The following RSF1 variants were observed in gnomAD, a reference collection of about 807,000 sequenced individuals.
RSF1 encodes HBV pX-associated protein 8.
RSF1 carries 13 observed loss-of-function variants against 145.2 expected under a neutral mutation model. That is an observed-to-expected ratio of 0.09 (90% CI 0.06 to 0.14). The LOEUF (loss-of-function observed/expected upper bound fraction) is 0.14, where lower values mean the gene tolerates loss of function less well. Ranked by LOEUF, RSF1 falls within the 10% of genes least tolerant of loss-of-function variation. The pLI is 1.00. For missense variants in RSF1, 1,517 were observed against 1,718.2 expected, an observed-to-expected ratio of 0.88 and a Z score of 2.07; for synonymous variants, 577 against 592.6, an observed-to-expected ratio of 0.97 and a Z score of 0.38.
intron 1 of RSF1, among the ~76,000 whole-genome samples, chr11:77,778,210 ATGGGGAGGGGAGGGGGT>A: frequency 4.7e-5 from 1 of 21,062 alleles, no homozygotes; most frequent in Admixed American, 6.5e-4. Flanking sequence ...AGGGGAGAGG[ATGGGGAGGGGAGGGGGT>A]GGGGGAGGGA....
At position 77,678,108 on chromosome 11, in the gene RSF1, G is replaced by C. The variant is rs771867245; in HGVS notation, c.3111C>G (p.Asp1037Glu). 6.2e-7 allele frequency: 1 copy of C among 1,610,308 alleles called. No homozygotes were observed. Among genetic ancestry groups the C allele is most frequent in the Non-Finnish European group, 8.5e-7 (1 of 1,178,456 alleles). The change falls in exon 12 of 16, where the codon GAC becomes GAG. Residue 1037 changes from aspartate (D) to glutamate (E), a missense_variant. By Grantham distance (45) the Asp-to-Glu change is conservative. Coordinates refer to ENST00000308488, the MANE Select transcript of RSF1 (RefSeq NM_016578.4). ...TACCTCCTCCATCGGCTTCTTTGAT[G>C]TCATCTTCAATAGCTTCATCAATTG... ...DEAIDEAIED[D>E]IKEADGGGVG...
intron 4 of RSF1, 120 bp from the exon 5 acceptor site, chr11:77,725,819 A>G (rs941877100): frequency 3.5e-5 from 24 of 695,166 alleles, no homozygotes; most frequent in Non-Finnish European, 4.7e-5. Context: ...CATCAAAAAC[A>G]CTGGTACAGC....
intron 9 of RSF1, among the ~76,000 whole-genome samples, chr11:77,688,017 G>A (rs1236783879): frequency 6.6e-6 from 1 of 152,162 alleles, no homozygotes; most frequent in African/African-American, 2.4e-5. Context: ...TCAGCTGGGA[G>A]TAGTGGCTCA....
chr11:77,796,414 T>C (rs1948572775), intron 1 of RSF1, among the ~76,000 whole-genome samples: 1 of 152,200 alleles, frequency 6.6e-6, no homozygotes, highest in Admixed American at 6.5e-5. Flanking sequence ...AAAAATTACA[T>C]GATTATCTCA....
chr11:77,671,139 ATATATATATATATATATATATATAT>A (rs1187087617), intron 15 of RSF1, among the ~76,000 whole-genome samples: 1 of 7,256 alleles, frequency 1.4e-4, no homozygotes, highest in African/African-American at 1.1e-3. Flanking sequence ...AAAAAAAAAA[ATATATATATATATATATATATATAT>A]ATATATATAT....
chr11:77,766,252 A>G (rs1948224673), intron 1 of RSF1, among the ~76,000 whole-genome samples: 1 of 152,224 alleles, frequency 6.6e-6, no homozygotes, highest in East Asian at 1.9e-4. Flanking sequence ...GCGTTCTCTA[A>G]CATATTTGAT....
intron 5 of RSF1, among the ~76,000 whole-genome samples, chr11:77,711,850 G>T (rs1960692683): frequency 6.6e-6 from 1 of 151,730 alleles, no homozygotes. Context: ...TTTATTCCAG[G>T]ATCCATGTCT....
At chr11:77,822,879 A>G (rs1948982266), upstream of RSF1, among the ~76,000 whole-genome samples, 1 of 152,224 alleles carries the variant, frequency 6.6e-6, no homozygotes, top group Non-Finnish European at 1.5e-5. Context: ...AAAATGGCAT[A>G]TTTTATGTTA....
Position 77,792,457 on chromosome 11 carries a change from G to A in RSF1, c.188-27768C>T, listed in dbSNP as rs562600684. 9.9e-5 allele frequency among the ~76,000 whole-genome samples: 15 copies of A among 152,260 alleles called. No individual in the cohort carries two copies. The East Asian group carries it at 2.9e-3, about 29-fold the overall frequency. ...CTGTCTGTACCTGGCTAACACTGGT[G>A]CTGGTGTACGTCACCCTGGGACCAA... On this transcript the variant is annotated intron_variant, in intron 1 of 15. Coordinates refer to ENST00000308488, the MANE Select transcript of RSF1 (RefSeq NM_016578.4).
chr11:77,774,068 A>G (rs1948315198), intron 1 of RSF1, among the ~76,000 whole-genome samples: 1 of 152,202 alleles, frequency 6.6e-6, no homozygotes, highest in African/African-American at 2.4e-5. Flanking sequence ...TTAAGTCTCA[A>G]TTCCTAATTA....
intron 1 of RSF1, among the ~76,000 whole-genome samples, chr11:77,820,208 C>T (rs1394372495): frequency 1.3e-5 from 2 of 152,170 alleles, no homozygotes; most frequent in Admixed American, 6.5e-5. Flanking sequence ...TGGGGGGCCG[C>T]CCTCCGCCGC....
upstream of RSF1, chr11:77,821,010 G>A (rs969788725): frequency 1.2e-5 from 5 of 403,722 alleles, no homozygotes; most frequent in Non-Finnish European, 2.2e-5. Flanking sequence ...CAGGGGGAAT[G>A]AAAACAAGGG....
At chr11:77,867,237 T>C in the RSF1 span, among the ~76,000 whole-genome samples, 4 of 152,346 alleles carry the variant, frequency 2.6e-5, no homozygotes, top group African/African-American at 9.6e-5. Context: ...CCATTTGTTA[T>C]CTCTTTGATA....
At chr11:77,747,195 A>G in intron 2 of RSF1, 67 bp from the exon 3 acceptor site, 3 of 974,214 alleles carry the variant, frequency 3.1e-6, no homozygotes, top group Non-Finnish European at 4.9e-6. Flanking sequence ...GGCTTGTACA[A>G]CTATGCTGTT....
At chr11:77,781,051 G>T (rs1261934708) in intron 1 of RSF1, among the ~76,000 whole-genome samples, 1 of 151,830 alleles carries the variant, frequency 6.6e-6, no homozygotes, top group African/African-American at 2.4e-5. Flanking sequence ...CCCTTTGTAT[G>T]AATTTATAAA....
At position 77,661,502 on chromosome 11, in the gene RSF1, G is replaced by GC. The variant is rs1959233267; in HGVS notation, c.*5414dup. ...GTGACCTTAAAGCTTTGGAGACAGG[G>GC]CTTGTTACTCTAATTTCAAGGCTTG... On this transcript the variant is annotated 3_prime_UTR_variant, in exon 16 of 16. Coordinates refer to ENST00000308488, the MANE Select transcript of RSF1 (RefSeq NM_016578.4). 1 of 151,888 alleles carries GC rather than the reference G, an allele frequency of 6.6e-6. No individual in the cohort carries two copies. The highest frequency in any genetic ancestry group is 1.5e-5 in the Non-Finnish European group (1 of 67,964). 9.4% of individuals were successfully genotyped at this position (151,888 alleles called of 1,614,324 possible). A position where few individuals can be genotyped will look rare whatever the true frequency, so the allele number is the denominator to read the frequency against.
At chr11:77,811,071 T>C in intron 1 of RSF1, among the ~76,000 whole-genome samples, 1 of 152,192 alleles carries the variant, frequency 6.6e-6, no homozygotes, top group East Asian at 1.9e-4. Flanking sequence ...CTTTAGGTTT[T>C]GAAGTTATAT....
At chr11:77,859,435 C>T in the RSF1 span, among the ~76,000 whole-genome samples, 1 of 152,172 alleles carries the variant, frequency 6.6e-6, no homozygotes, top group Non-Finnish European at 1.5e-5. Context: ...GGTCTTCCCT[C>T]GGAAGTTAGG....
chr11:77,762,661 TTG>T (rs1243771209), intron 2 of RSF1: 1 of 152,218 alleles, frequency 6.6e-6, no homozygotes, highest in African/African-American at 2.4e-5. Context: ...GCTGACTGAT[TTG>T]TGTAATAATG....
Sources: gnomAD v4.1 joint callset for allele counts (sites outside exome capture counted in the v4.1 genomes callset) on GRCh38, gnomAD v4.1.1 for gene constraint, MANE v1.5 for transcripts, NCBI Gene and HGNC (gene_info 2026-07-23, HGNC 2026-07-21) for gene names.